The following WWOX variants were observed in gnomAD, a reference collection of about 807,000 sequenced individuals.
WWOX encodes WW domain-containing oxidoreductase.
A neutral mutation model predicts 46.2 loss-of-function variants in WWOX; 69 were observed. The observed-to-expected ratio is 1.49, with a 90% CI of 1.23 to 1.82. The LOEUF (loss-of-function observed/expected upper bound fraction) is 1.82, where lower values mean the gene tolerates loss of function less well. WWOX is among the 40% of genes most tolerant of loss of function. WWOX has a pLI of 0.00. For missense variants in WWOX, 919 were observed against 542.6 expected (o/e 1.69, Z -6.89); for synonymous variants, 359 against 202.6 (o/e 1.77, Z -6.56).
At chr16:78,792,863 A>C (rs1251878517) in intron 8 of WWOX, among the ~76,000 whole-genome samples, 1 of 152,106 alleles carries the variant, frequency 6.6e-6, no homozygotes, top group Non-Finnish European at 1.5e-5. Flanking sequence ...CCGGGGATTT[A>C]GCAGTAACAG....
intron 8 of WWOX, among the ~76,000 whole-genome samples, chr16:79,088,240 C>G (rs530618450): frequency 6.6e-6 from 1 of 152,152 alleles, no homozygotes; most frequent in Non-Finnish European, 1.5e-5. Context: ...GACTTGGATC[C>G]CTAAGCACAG....
chr16:79,108,530 C>G (rs1426487179), intron 8 of WWOX, among the ~76,000 whole-genome samples: 1 of 152,222 alleles, frequency 6.6e-6, no homozygotes, highest in African/African-American at 2.4e-5. Context: ...GATGAACCAC[C>G]ATCTGGGCAC....
intron 7 of WWOX, among the ~76,000 whole-genome samples, chr16:78,431,965 C>T (rs1293407139): frequency 6.6e-6 from 1 of 152,306 alleles, no homozygotes; most frequent in Non-Finnish European, 1.5e-5. Flanking sequence ...ATCCTCCCGC[C>T]TCAGCTTCCT....
chr16:78,701,632 T>G (rs1053316233), intron 8 of WWOX, among the ~76,000 whole-genome samples: 4 of 151,942 alleles, frequency 2.6e-5, no homozygotes, highest in African/African-American at 9.7e-5. Flanking sequence ...ACTCCTTCTT[T>G]CCCTCTCCTC....
At chr16:78,827,176 G>A (rs780214988) in intron 8 of WWOX, among the ~76,000 whole-genome samples, 9 of 152,104 alleles carry the variant, frequency 5.9e-5, no homozygotes, top group Non-Finnish European at 1.3e-4. Flanking sequence ...AAAGTACATA[G>A]GCATCAAGTG....
At chr16:79,058,994 A>G (rs140750529) in intron 8 of WWOX, among the ~76,000 whole-genome samples, 2 of 152,346 alleles carry the variant, frequency 1.3e-5, no homozygotes, top group African/African-American at 2.4e-5. Context: ...AACAATGACT[A>G]TTATACAGAT....
chr16:79,040,372 C>T (rs117516039), intron 8 of WWOX, among the ~76,000 whole-genome samples: 19,922 of 151,192 alleles, frequency 0.13, 1,579 homozygotes, highest in African/African-American at 0.23. Flanking sequence ...CCTCCCAGGC[C>T]CAAGCGATCC....
intron 8 of WWOX, among the ~76,000 whole-genome samples, chr16:78,781,105 C>G (rs1246297536): frequency 6.6e-6 from 1 of 152,166 alleles, no homozygotes; most frequent in Non-Finnish European, 1.5e-5. Flanking sequence ...TAGAGCCAAA[C>G]AAATGCTGTT....
intron 7 of WWOX, among the ~76,000 whole-genome samples, chr16:78,430,238 G>T (rs1427087727): frequency 6.6e-6 from 1 of 152,078 alleles, no homozygotes. Flanking sequence ...GAACAGTATG[G>T]GAGAAAGCAC....
At chr16:79,080,605 G>T (rs2048742817) in intron 8 of WWOX, among the ~76,000 whole-genome samples, 1 of 152,160 alleles carries the variant, frequency 6.6e-6, no homozygotes, top group African/African-American at 2.4e-5. Context: ...GATTTGGATG[G>T]ACTCAATCTG....
chr16:79,099,363 G>A (rs1185773977), intron 8 of WWOX, among the ~76,000 whole-genome samples: 2 of 152,298 alleles, frequency 1.3e-5, no homozygotes, highest in East Asian at 1.9e-4. Context: ...GAAAAACAAT[G>A]TAAGGTCCCG....
intron 5 of WWOX, among the ~76,000 whole-genome samples, chr16:78,277,874 G>A (rs1351597428): frequency 1.3e-5 from 2 of 152,098 alleles, no homozygotes; most frequent in Non-Finnish European, 2.9e-5. Flanking sequence ...AAAATATTAC[G>A]AATCATAGCA....
At chr16:78,288,683 C>G (rs1597446813) in intron 5 of WWOX, among the ~76,000 whole-genome samples, 1 of 152,084 alleles carries the variant, frequency 6.6e-6, no homozygotes, top group Admixed American at 6.5e-5. Context: ...AGACATCATC[C>G]TTTTTGAGAG....
Position 78,349,439 on chromosome 16 carries a change from C to T in WWOX, c.517-37421C>T, listed in dbSNP as rs112862620. On this transcript the variant is annotated intron_variant, in intron 5 of 8. Coordinates refer to ENST00000566780, the MANE Select transcript of WWOX (RefSeq NM_016373.4). ...CGAATACCACTGCCTAATGTTTGCA[C>T]GGGGATATCATGCTTTTCAGAGACC... Among the ~76,000 whole-genome samples the T allele has an allele frequency of 9.1e-5, 11 of 120,732 alleles. 4 individuals are homozygous for T. The highest frequency in any genetic ancestry group is 2.4e-4 in the Admixed American group (3 of 12,330). 79.2% of individuals were successfully genotyped at this position (120,732 alleles called of 152,430 possible). A position where few individuals can be genotyped will look rare whatever the true frequency, so the allele number is the denominator to read the frequency against.
intron 8 of WWOX, among the ~76,000 whole-genome samples, chr16:78,843,578 G>C (rs144548565): frequency 1.5e-4 from 21 of 138,488 alleles, no homozygotes; most frequent in African/African-American, 4.9e-4. Flanking sequence ...CCAGAGCAGG[G>C]GTCCGGTGTA....
intron 8 of WWOX, among the ~76,000 whole-genome samples, chr16:79,146,977 T>C (rs949547868): frequency 1.3e-5 from 2 of 152,356 alleles, no homozygotes; most frequent in East Asian, 3.9e-4. Flanking sequence ...CAATGATTCC[T>C]CATATTCTTA....
chr16:78,398,849 A>T (rs1418660387), intron 6 of WWOX, among the ~76,000 whole-genome samples: 1 of 152,242 alleles, frequency 6.6e-6, no homozygotes, highest in Non-Finnish European at 1.5e-5. Flanking sequence ...CCTGATACTT[A>T]ATAAAAAAGT....
intron 8 of WWOX, among the ~76,000 whole-genome samples, chr16:78,449,768 C>T (rs1437457784): frequency 1.3e-5 from 2 of 152,152 alleles, no homozygotes; most frequent in Non-Finnish European, 2.9e-5. Context: ...ATCCTAAAGT[C>T]AAGTATTTGC....
chr16:79,086,002 G>A (rs926571253), intron 8 of WWOX, among the ~76,000 whole-genome samples: 5 of 151,932 alleles, frequency 3.3e-5, no homozygotes, highest in Non-Finnish European at 5.9e-5. Context: ...CATCCAGGAG[G>A]TTGAGGCTGC....
Sources: gnomAD v4.1 joint callset for allele counts (sites outside exome capture counted in the v4.1 genomes callset) on GRCh38, gnomAD v4.1.1 for gene constraint, MANE v1.5 for transcripts, NCBI Gene and HGNC (gene_info 2026-07-23, HGNC 2026-07-21) for gene names.